TEX9: variants seen among roughly 807,000 people sequenced by gnomAD.
TEX9 encodes testis expressed 9.
Under a neutral mutation model 59.6 loss-of-function variants are expected in TEX9, and 74 were observed. The observed-to-expected ratio is 1.24, with a 90% CI of 1.03 to 1.51. The LOEUF (loss-of-function observed/expected upper bound fraction) is 1.51, where lower values mean the gene tolerates loss of function less well. Ranked by LOEUF, TEX9 falls within the 40% of genes most tolerant of loss-of-function variation. TEX9 has a pLI of 0.00. For synonymous variants in TEX9, 186 were observed against 152.2 expected, an observed-to-expected ratio of 1.22 and a Z score of -1.64; for missense variants, 522 against 447.8, an observed-to-expected ratio of 1.17 and a Z score of -1.49.
intron 12 of TEX9, chr15:56,444,355 C>T (rs2050870793): frequency 2.7e-6 from 3 of 1,102,986 alleles, no homozygotes; most frequent in Non-Finnish European, 3.8e-6. Flanking sequence ...GTATTAGGCA[C>T]TGTTCTAGGT....
intron 1 of TEX9, among the ~76,000 whole-genome samples, chr15:56,285,761 A>G (rs2044938243): frequency 6.6e-6 from 1 of 152,218 alleles, no homozygotes; most frequent in African/African-American, 2.4e-5. Context: ...TTAAATCCCC[A>G]AATTCTTTAT....
the TEX9 span, among the ~76,000 whole-genome samples, chr15:56,455,749 G>T: frequency 0.1 from 15,525 of 151,978 alleles, 2,653 homozygotes; most frequent in African/African-American, 0.35. Context: ...GAAGTATGGG[G>T]GCAATTAAGG....
rs189461086 is a variant in TEX9 at position 56,403,037 on chromosome 15, G to A, written c.828+8203G>A. Among the ~76,000 whole-genome samples, 5 of 152,274 alleles carry A rather than the reference G, an allele frequency of 3.3e-5. No homozygotes were observed. The East Asian group carries it at 7.7e-4, about 23-fold the overall frequency. On this transcript the variant is annotated intron_variant, in intron 9 of 12. Transcript: ENST00000352903. Reference sequence around the variant, plus strand: ...ACCCACAGCCAATTTCATACTAAATGGGCAAAAACTGGAAGCATTCCCTTT... The same window carrying A: ...ACCCACAGCCAATTTCATACTAAATAGGCAAAAACTGGAAGCATTCCCTTT...
At chr15:56,332,475 G>C (rs1485852912) in intron 1 of TEX9, among the ~76,000 whole-genome samples, 1 of 136,694 alleles carries the variant, frequency 7.3e-6, no homozygotes, top group African/African-American at 2.6e-5. Flanking sequence ...GTCGTGGGGT[G>C]GGGGGAGGGG....
In TEX9 at chr15:56,278,184, A is replaced by G. The variant is rs572836695; in HGVS notation, c.-107+33906A>G. 1.6e-3 allele frequency among the ~76,000 whole-genome samples: 244 copies of G among 152,296 alleles called. 2 individuals carry two copies. Among genetic ancestry groups the G allele is most frequent in the African/African-American group, 5.7e-3 (237 of 41,570 alleles). On this transcript the variant is annotated intron_variant, in intron 1 of 5. Coordinates refer to the TEX9 transcript ENST00000560827. ...CCTTGTATGATAAACATTAATATCTATAGCATTTGTGGGTCTCCTTCTATT... is the reference window on the plus strand; with the variant it reads ...CCTTGTATGATAAACATTAATATCTGTAGCATTTGTGGGTCTCCTTCTATT...
the TEX9 span, among the ~76,000 whole-genome samples, chr15:56,453,500 A>C: frequency 6.6e-6 from 1 of 152,198 alleles, no homozygotes; most frequent in African/African-American, 2.4e-5. Context: ...TAATGGTAAT[A>C]GTATTAAGAA....
intron 12 of TEX9, chr15:56,431,307 CA>C: frequency 1.9e-6 from 3 of 1,568,502 alleles, no homozygotes; most frequent in Non-Finnish European, 2.6e-6. Context: ...CTCTAAAATC[CA>C]AATACCATGT....
chr15:56,292,127 T>G (rs2045108673), intron 1 of TEX9, among the ~76,000 whole-genome samples: 1 of 152,236 alleles, frequency 6.6e-6, no homozygotes, highest in Non-Finnish European at 1.5e-5. Flanking sequence ...TTAGGATACA[T>G]GGGTTCAGGA....
chr15:56,426,626 T>TATATATACAC (rs1214988827), intron 10 of TEX9, among the ~76,000 whole-genome samples: 719 of 46,822 alleles, frequency 0.015, 17 homozygotes, highest in Non-Finnish European at 0.027. Context: ...TATATATATA[T>TATATATACAC]ACACACACAC....
chr15:56,433,829 T>C (rs1439820791), intron 12 of TEX9, among the ~76,000 whole-genome samples: 1 of 152,198 alleles, frequency 6.6e-6, no homozygotes, highest in East Asian at 1.9e-4. Flanking sequence ...TAACCTATTA[T>C]CACATGTACA....
intron 2 of TEX9, among the ~76,000 whole-genome samples, chr15:56,368,703 G>A (rs565190234): frequency 4.3e-4 from 66 of 152,226 alleles, no homozygotes; most frequent in Non-Finnish European, 8.4e-4. Flanking sequence ...CATAAACTGA[G>A]TCTATGGTGG....
At chr15:56,383,904 T>A in intron 3 of TEX9, 48 bp from the exon 4 acceptor site, 1 of 1,388,722 alleles carries the variant, frequency 7.2e-7, no homozygotes, top group South Asian at 1.3e-5. Context: ...ATCTTAATGG[T>A]TTGGTTTTTT....
chr15:56,315,496 T>C (rs1178832011), intron 1 of TEX9, among the ~76,000 whole-genome samples: 1 of 150,544 alleles, frequency 6.6e-6, no homozygotes, highest in African/African-American at 2.4e-5. Flanking sequence ...TCTTCTGGCT[T>C]GTAGGGTTTC....
intron 3 of TEX9, among the ~76,000 whole-genome samples, chr15:56,383,065 G>C (rs1333377349): frequency 1.3e-5 from 2 of 152,194 alleles, no homozygotes; most frequent in Non-Finnish European, 2.9e-5. Flanking sequence ...CTGGAGTTCT[G>C]ACCCACAGGA....
chr15:56,283,883 A>G (rs1383189009), intron 1 of TEX9, among the ~76,000 whole-genome samples: 1 of 152,218 alleles, frequency 6.6e-6, no homozygotes, highest in Non-Finnish European at 1.5e-5. Flanking sequence ...ATACAAAGGG[A>G]TGAATTCACA....
At chr15:56,459,990 C>CAAAAAAAAAAA in the TEX9 span, among the ~76,000 whole-genome samples, 85 of 11,102 alleles carry the variant, frequency 7.7e-3, 17 homozygotes, top group African/African-American at 0.018. Flanking sequence ...AATTCTGTCT[C>CAAAAAAAAAAA]AAAAAAAAAA....
intron 1 of TEX9, among the ~76,000 whole-genome samples, chr15:56,259,156 G>A (rs2044210143): frequency 6.6e-6 from 1 of 151,904 alleles, no homozygotes; most frequent in African/African-American, 2.4e-5. Flanking sequence ...TAGAGCAGGG[G>A]TCAGAAATTT....
intron 1 of TEX9, among the ~76,000 whole-genome samples, chr15:56,329,277 T>C (rs184150543): frequency 3.7e-4 from 57 of 152,270 alleles, no homozygotes; most frequent in Middle Eastern, 6.8e-3. Flanking sequence ...ACCCAACACC[T>C]TTCAAATACC....
intron 12 of TEX9, chr15:56,429,263 C>T: frequency 1.0e-6 from 1 of 977,822 alleles, no homozygotes; most frequent in Admixed American, 2.4e-5. Context: ...TTAAGACTGA[C>T]AGACATAAGA....
Sources: allele counts gnomAD v4.1 joint callset (sites outside exome capture counted in the v4.1 genomes callset), GRCh38; gene constraint gnomAD v4.1.1; transcripts MANE v1.5; gene names NCBI Gene and HGNC (gene_info 2026-07-23, HGNC 2026-07-21).